PRKX: variants seen among roughly 807,000 people sequenced by gnomAD.
PRKX encodes cAMP-dependent protein kinase catalytic subunit PRKX.
PRKX carries 12 observed loss-of-function variants against 22.0 expected under a neutral mutation model. The ratio of observed to expected loss-of-function variants is 0.54; its 90% CI spans 0.35 to 0.88. The LOEUF (loss-of-function observed/expected upper bound fraction) is 0.88. Among genes scored for constraint, PRKX ranks in the 40% least tolerant of loss-of-function variants. PRKX has a pLI of 0.01. For missense variants in PRKX, 217 were observed against 308.0 expected (o/e 0.70, Z 2.21); for synonymous variants, 134 against 137.7 (o/e 0.97, Z 0.19).
At chrX:3,632,316 TACAG>T (rs1056171472) in intron 4 of PRKX, among the ~76,000 whole-genome samples, 2 of 111,003 alleles carry the variant, frequency 1.8e-5, no homozygotes, top group African/African-American at 6.6e-5. Flanking sequence ...GAGCTCTGAG[TACAG>T]ACACTCATGC....
At chrX:3,700,551 C>T (rs1334737270) in intron 1 of PRKX, among the ~76,000 whole-genome samples, 2 of 109,841 alleles carry the variant, frequency 1.8e-5, no homozygotes, top group Non-Finnish European at 3.8e-5. Context: ...CTTTTTTCTT[C>T]TCTTTTTTTT....
At chrX:3,667,689 T>C (rs916211726) in intron 2 of PRKX, among the ~76,000 whole-genome samples, 21 of 111,074 alleles carry the variant, frequency 1.9e-4, no homozygotes, top group African/African-American at 6.9e-4. Context: ...CTTCCTTATA[T>C]GCACAGCCGA....
chrX:3,695,867 G>A (rs1457255900), intron 1 of PRKX, among the ~76,000 whole-genome samples: 2 of 111,521 alleles, frequency 1.8e-5, no homozygotes, highest in Non-Finnish European at 3.8e-5. Flanking sequence ...AGGTTTCTTC[G>A]GTGTAAATGA....
At chrX:3,620,907 C>T (rs1926541070) in intron 6 of PRKX, among the ~76,000 whole-genome samples, 1 of 110,958 alleles carries the variant, frequency 9.0e-6, no homozygotes, top group African/African-American at 3.3e-5. Context: ...AATGGCATGG[C>T]GTGTGAATTC....
intron 7 of PRKX, among the ~76,000 whole-genome samples, chrX:3,613,150 CAAAAAAAAAAAAAAAAAA>C (rs528688936): frequency 3.5e-4 from 19 of 54,324 alleles, no homozygotes; most frequent in East Asian, 1.6e-3. Context: ...GACTTCGTCT[CAAAAAAAAAAAAAAAAAA>C]AAAAAAAAAA....
intron 3 of PRKX, among the ~76,000 whole-genome samples, chrX:3,652,131 T>A (rs746485723): frequency 9.0e-6 from 1 of 110,559 alleles, no homozygotes; most frequent in East Asian, 2.8e-4. Flanking sequence ...AAAGACTACA[T>A]ACTGGGGCCG....
intron 1 of PRKX, among the ~76,000 whole-genome samples, chrX:3,689,873 A>G (rs1416382877): frequency 2.7e-5 from 3 of 111,064 alleles, no homozygotes; most frequent in Admixed American, 9.6e-5. Context: ...GCTACTCAGG[A>G]GGCTGGGGCA....
intron 3 of PRKX, among the ~76,000 whole-genome samples, chrX:3,644,061 G>T (rs777086324): frequency 3.8e-4 from 42 of 109,439 alleles, no homozygotes; most frequent in Non-Finnish European, 7.4e-4. Flanking sequence ...CAACAAACTG[G>T]CTGCCATCCA....
At chrX:3,647,376 CATTT>C (rs1162760333) in intron 3 of PRKX, among the ~76,000 whole-genome samples, 1 of 104,194 alleles carries the variant, frequency 9.6e-6, no homozygotes, top group Admixed American at 1.1e-4. Flanking sequence ...AAACTGTATC[CATTT>C]ATTATATATT....
intron 1 of PRKX, among the ~76,000 whole-genome samples, chrX:3,699,937 G>A (rs1928523269): frequency 9.0e-6 from 1 of 111,662 alleles, no homozygotes; most frequent in African/African-American, 3.3e-5. Context: ...TTATTTCTGT[G>A]GCTTTTTGGG....
At chrX:3,639,581 T>C (rs73438449) in intron 4 of PRKX, among the ~76,000 whole-genome samples, 15,772 of 91,969 alleles carry the variant, frequency 0.17, 1,603 homozygotes, top group African/African-American at 0.27. Context: ...GGTAGGTGGG[T>C]GGATGGATGG....
At chrX:3,638,762 T>C (rs1328042175) in intron 4 of PRKX, among the ~76,000 whole-genome samples, 1 of 109,538 alleles carries the variant, frequency 9.1e-6, no homozygotes, top group Non-Finnish European at 1.9e-5. Context: ...CATAGATATA[T>C]AGAAAAGCAG....
intron 1 of PRKX, among the ~76,000 whole-genome samples, chrX:3,680,707 G>A (rs1045994454): frequency 1.8e-5 from 2 of 111,954 alleles, no homozygotes; most frequent in African/African-American, 6.5e-5. Context: ...CATGGAAAAT[G>A]CTGAAAGGTT....
At chrX:3,616,462 A>G (rs1192240914) in intron 6 of PRKX, among the ~76,000 whole-genome samples, 2 of 111,580 alleles carry the variant, frequency 1.8e-5, no homozygotes, top group Non-Finnish European at 3.8e-5. Context: ...GCTGGCTCAC[A>G]CTGTGGCCAT....
Position 3,674,597 on chromosome X carries a change from C to T in PRKX, c.335+1G>A. ...GGGAGAGGCTTCAGGAGGGGACTCA[C>T]AGCCTGATGAGGAACGGGTGGCTGA... On this transcript the variant is annotated splice_donor_variant, in intron 2 of 8. Coordinates refer to ENST00000262848, the MANE Select transcript of PRKX (RefSeq NM_005044.5). LOFTEE classifies it high-confidence loss of function. 1 of 1,211,187 alleles carries T rather than the reference C, an allele frequency of 8.3e-7. No individual in the cohort carries two copies. Among genetic ancestry groups the T allele is most frequent in the Non-Finnish European group, 1.1e-6 (1 of 895,093 alleles).
chrX:3,624,328 G>A (rs1185518979), intron 5 of PRKX, among the ~76,000 whole-genome samples: 1 of 111,365 alleles, frequency 9.0e-6, no homozygotes, highest in Non-Finnish European at 1.9e-5. Context: ...TCTGCTCTTG[G>A]GGAACCCACA....
At chrX:3,688,828 C>T (rs1483587574) in intron 1 of PRKX, among the ~76,000 whole-genome samples, 1 of 107,373 alleles carries the variant, frequency 9.3e-6, no homozygotes, top group Non-Finnish European at 1.9e-5. Flanking sequence ...ATGATAGTAC[C>T]ACTGCATTCC....
chrX:3,626,762 G>A (rs1340931147), intron 4 of PRKX, among the ~76,000 whole-genome samples: 4 of 104,764 alleles, frequency 3.8e-5, no homozygotes, highest in Non-Finnish European at 7.9e-5. Flanking sequence ...GACCATTTGA[G>A]AGGCGTCTGC....
At chrX:3,678,317 T>C (rs746850515) in intron 1 of PRKX, among the ~76,000 whole-genome samples, 4 of 112,220 alleles carry the variant, frequency 3.6e-5, no homozygotes, top group Non-Finnish European at 7.5e-5. Context: ...TTTCTTCCTC[T>C]ATCTGGTTCC....
Sources: allele counts gnomAD v4.1 joint callset (sites outside exome capture counted in the v4.1 genomes callset), GRCh38; gene constraint gnomAD v4.1.1; transcripts MANE v1.5; gene names NCBI Gene and HGNC (gene_info 2026-07-23, HGNC 2026-07-21).